The following ARID5B variants were observed in gnomAD, a reference collection of about 807,000 sequenced individuals.
The protein encoded by ARID5B is AT-rich interaction domain 5B, also known as AT-rich interactive domain-containing protein 5B.
ARID5B carries 13 observed loss-of-function variants against 97.2 expected under a neutral mutation model. The observed-to-expected ratio is 0.13, with a 90% CI of 0.09 to 0.21. The LOEUF (loss-of-function observed/expected upper bound fraction) is 0.21. Ranked by LOEUF, ARID5B falls within the 10% of genes least tolerant of loss-of-function variation. ARID5B has a pLI of 1.00. For synonymous variants in ARID5B, 556 were observed against 570.3 expected (o/e 0.97, Z 0.36); for missense variants, 1,210 against 1,465.3 (o/e 0.83, Z 2.84).
intron 3 of ARID5B, among the ~76,000 whole-genome samples, chr10:61,996,440 A>G (rs2893877): frequency 0.41 from 62,012 of 152,030 alleles, 13,755 homozygotes; most frequent in South Asian, 0.59. Context: ...TATAAGTCCC[A>G]GCTACTCAGG....
chr10:62,027,034 A>T lies in ARID5B; in HGVS notation c.734-23854A>T, dbSNP rs61201593. On this transcript the variant is annotated intron_variant, in intron 4 of 9. Transcript: ENST00000279873. ...ACATATGCATGACAAGTTGTATCAC[A>T]GTGACAAGGTCCTGGGGTAAGAAGG... Among the ~76,000 whole-genome samples, 828 of 152,316 alleles carry T rather than the reference A, an allele frequency of 5.4e-3. 6 individuals carry two copies. The highest frequency in any genetic ancestry group is 0.019 in the African/African-American group (804 of 41,558).
intron 8 of ARID5B, among the ~76,000 whole-genome samples, chr10:62,077,421 A>G (rs968082513): frequency 2.0e-5 from 3 of 152,224 alleles, no homozygotes; most frequent in Non-Finnish European, 4.4e-5. Flanking sequence ...GTTGTAATTA[A>G]TAGAAGTTAG....
intron 2 of ARID5B, among the ~76,000 whole-genome samples, chr10:61,906,742 C>T (rs1273862287): frequency 6.6e-6 from 1 of 152,152 alleles, no homozygotes; most frequent in African/African-American, 2.4e-5. Flanking sequence ...ATTGAAGTCT[C>T]CTCAAATAGA....
At chr10:62,024,912 T>C (rs1219426536) in intron 4 of ARID5B, 1 of 329,478 alleles carries the variant, frequency 3.0e-6, no homozygotes, top group Admixed American at 4.9e-5. Context: ...TAAGAAAAGA[T>C]AGCTACTTGA....
intron 3 of ARID5B, among the ~76,000 whole-genome samples, chr10:61,954,134 G>A (rs2132814251): frequency 6.6e-6 from 1 of 152,216 alleles, no homozygotes; most frequent in East Asian, 1.9e-4. Context: ...TGAGGTGGTG[G>A]ATCACCTGAG....
chr10:61,930,524 T>A (rs1399117357), intron 2 of ARID5B, among the ~76,000 whole-genome samples: 1 of 151,768 alleles, frequency 6.6e-6, no homozygotes, highest in Non-Finnish European at 1.5e-5. Flanking sequence ...ATCGAGACCA[T>A]CCTGGCTAAC....
chr10:62,069,677 A>C, intron 7 of ARID5B, 23 bp from the exon 8 acceptor site: 1 of 1,600,864 alleles, frequency 6.2e-7, no homozygotes, highest in African/African-American at 1.3e-5. Flanking sequence ...GTAAGATTGA[A>C]TTTCCCATTG....
chr10:62,031,781 T>C (rs1839500109), intron 4 of ARID5B, among the ~76,000 whole-genome samples: 1 of 152,156 alleles, frequency 6.6e-6, no homozygotes, highest in South Asian at 2.1e-4. Flanking sequence ...CTTCACTGTG[T>C]TGTAGGAATA....
At chr10:61,909,463 C>G (rs56157892) in intron 2 of ARID5B, among the ~76,000 whole-genome samples, 57,565 of 151,594 alleles carry the variant, frequency 0.38, 11,755 homozygotes, top group Non-Finnish European at 0.46. Flanking sequence ...GTAGCTGGGA[C>G]TACAGGCGCC....
intron 2 of ARID5B, among the ~76,000 whole-genome samples, chr10:61,919,134 G>A (rs1408994539): frequency 6.8e-6 from 1 of 146,600 alleles, no homozygotes; most frequent in Admixed American, 7.2e-5. Context: ...ATGGAGTCAA[G>A]AGACAAAACT....
chr10:62,086,395 G>C (rs1419197344), intron 9 of ARID5B, among the ~76,000 whole-genome samples: 2 of 152,032 alleles, frequency 1.3e-5, no homozygotes, highest in African/African-American at 4.8e-5. Flanking sequence ...TTCAAGAAGA[G>C]CGTGGGCAAC....
chr10:61,985,282 G>T (rs1232334484), intron 3 of ARID5B, among the ~76,000 whole-genome samples: 1 of 151,290 alleles, frequency 6.6e-6, no homozygotes, highest in Non-Finnish European at 1.5e-5. Flanking sequence ...ATTACTTTTT[G>T]CACCAACTTA....
rs78937271 is a variant in ARID5B, at chr10:61,967,019, C to T, written c.502+26611C>T. ...AGAAATAATGGTTAGCTCAGAAAAC[C>T]GGGCCTTTTTTTCCCCCAGAACGTA... is the stretch of plus-strand genomic sequence containing the variant. On this transcript the variant is annotated intron_variant, in intron 3 of 9. Coordinates refer to ENST00000279873, the MANE Select transcript of ARID5B (RefSeq NM_032199.3). 4.4e-3 allele frequency among the ~76,000 whole-genome samples: 670 copies of T among 152,048 alleles called. 10 individuals are homozygous for T. The highest frequency in any genetic ancestry group is 0.015 in the African/African-American group (638 of 41,482).
chr10:62,035,834 TG>T (rs1330463142), intron 4 of ARID5B, among the ~76,000 whole-genome samples: 1 of 152,010 alleles, frequency 6.6e-6, no homozygotes, highest in Non-Finnish European at 1.5e-5. Flanking sequence ...TTGTTTTGGC[TG>T]GGGGTGGAGA....
chr10:61,989,598 A>G (rs534941588), intron 3 of ARID5B, among the ~76,000 whole-genome samples: 4 of 152,378 alleles, frequency 2.6e-5, no homozygotes, highest in African/African-American at 9.6e-5. Context: ...TCTGTGTTTA[A>G]TAAAGCACAA....
chr10:61,999,208 G>A (rs549530290), intron 3 of ARID5B, among the ~76,000 whole-genome samples: 10 of 152,298 alleles, frequency 6.6e-5, no homozygotes, highest in South Asian at 4.1e-4. Context: ...AGCAGATGGC[G>A]ATGCATTTTA....
At chr10:62,056,473 G>A (rs937274136) in intron 5 of ARID5B, among the ~76,000 whole-genome samples, 1 of 152,054 alleles carries the variant, frequency 6.6e-6, no homozygotes, top group African/African-American at 2.4e-5. Context: ...AGCATCTGCT[G>A]GTATTGACTT....
At chr10:62,061,634 A>C (rs1036211605) in intron 7 of ARID5B, among the ~76,000 whole-genome samples, 5 of 152,244 alleles carry the variant, frequency 3.3e-5, no homozygotes, top group Middle Eastern at 3.4e-3. Context: ...GGAACTATGG[A>C]AAGTTGCCAG....
At chr10:62,009,914 A>G (rs1392706606) in intron 4 of ARID5B, among the ~76,000 whole-genome samples, 1 of 152,346 alleles carries the variant, frequency 6.6e-6, no homozygotes, top group East Asian at 1.9e-4. Flanking sequence ...ATTTCAGGTG[A>G]GGAGGTGGAA....
Sources: allele counts gnomAD v4.1 joint callset (sites outside exome capture counted in the v4.1 genomes callset), GRCh38; gene constraint gnomAD v4.1.1; transcripts MANE v1.5; gene names NCBI Gene and HGNC (gene_info 2026-07-23, HGNC 2026-07-21).